Variants in MARCHF1 observed in about 807,000 individuals in gnomAD.
MARCHF1 encodes E3 ubiquitin-protein ligase MARCHF1.
Under a neutral mutation model 54.2 loss-of-function variants are expected in MARCHF1, and 40 were observed. That is an observed-to-expected ratio of 0.74 (90% CI 0.57 to 0.96). The LOEUF (loss-of-function observed/expected upper bound fraction) is 0.96, where lower values mean the gene tolerates loss of function less well. MARCHF1 is among the 40% of genes least tolerant of loss of function. MARCHF1 has a pLI of 0.00. For synonymous variants in MARCHF1, 236 were observed against 236.3 expected (o/e 1.00, Z 0.01); for missense variants, 586 against 656.5 (o/e 0.89, Z 1.17).
chr4:164,354,564 C>CATG, intron 1 of MARCHF1, among the ~76,000 whole-genome samples: 1 of 136,828 alleles, frequency 7.3e-6, no homozygotes, highest in Non-Finnish European at 1.6e-5. Context: ...AATTCAACAA[C>CATG]CCTTCATGCT....
intron 3 of MARCHF1, among the ~76,000 whole-genome samples, chr4:163,872,654 T>C (rs1750192782): frequency 6.6e-6 from 1 of 152,178 alleles, no homozygotes; most frequent in Non-Finnish European, 1.5e-5. Flanking sequence ...GTATTCTATG[T>C]CAGAATACTA....
chr4:164,034,634 G>GTA (rs371581939), intron 2 of MARCHF1, among the ~76,000 whole-genome samples: 1,627 of 150,680 alleles, frequency 0.011, 35 homozygotes, highest in African/African-American at 0.036. Context: ...ATGTGTGTGT[G>GTA]TATATATATA....
At chr4:163,671,094 T>A (rs1055979320) in intron 5 of MARCHF1, among the ~76,000 whole-genome samples, 1 of 152,216 alleles carries the variant, frequency 6.6e-6, no homozygotes, top group African/African-American at 2.4e-5. Flanking sequence ...CTTGCCCAGT[T>A]CCCTGCTTTA....
At chr4:164,145,416 A>C (rs1729653775) in intron 1 of MARCHF1, among the ~76,000 whole-genome samples, 1 of 152,076 alleles carries the variant, frequency 6.6e-6, no homozygotes, top group Non-Finnish European at 1.5e-5. Context: ...TGATGCAAAA[A>C]TCCTCAGTAT....
chr4:163,815,956 ATC>A (rs1316866515), intron 4 of MARCHF1, among the ~76,000 whole-genome samples: 1 of 152,188 alleles, frequency 6.6e-6, no homozygotes, highest in Non-Finnish European at 1.5e-5. Context: ...AGTAAATACT[ATC>A]TCCAAGTAAT....
At chr4:163,637,857 T>G (rs1422984354) in intron 5 of MARCHF1, among the ~76,000 whole-genome samples, 1 of 150,208 alleles carries the variant, frequency 6.7e-6, no homozygotes, top group Non-Finnish European at 1.5e-5. Context: ...TGTCCAACAA[T>G]GATAGACTGG....
At chr4:164,098,016 T>A (rs952221970) in intron 2 of MARCHF1, among the ~76,000 whole-genome samples, 2 of 152,146 alleles carry the variant, frequency 1.3e-5, no homozygotes, top group Admixed American at 1.3e-4. Flanking sequence ...TCTGTGATTA[T>A]GGGCACTAGC....
intron 4 of MARCHF1, among the ~76,000 whole-genome samples, chr4:163,739,423 A>T (rs1169024435): frequency 6.6e-6 from 1 of 152,232 alleles, no homozygotes; most frequent in Non-Finnish European, 1.5e-5. Context: ...CAGTATGATG[A>T]AAACGACATC....
chr4:164,034,925 C>T (rs1228424212), intron 2 of MARCHF1, among the ~76,000 whole-genome samples: 3 of 151,954 alleles, frequency 2.0e-5, no homozygotes, highest in Non-Finnish European at 4.4e-5. Context: ...GCTGGGATTC[C>T]CCTACAGGTC....
At chr4:164,001,881 G>GA (rs1424804681) in intron 2 of MARCHF1, among the ~76,000 whole-genome samples, 6 of 151,686 alleles carry the variant, frequency 4.0e-5, no homozygotes, top group East Asian at 3.9e-4. Context: ...CACAAATAAG[G>GA]AAAAAAATAA....
At chr4:163,562,597 A>G (rs1739507350) in intron 8 of MARCHF1, among the ~76,000 whole-genome samples, 1 of 151,698 alleles carries the variant, frequency 6.6e-6, no homozygotes, top group Admixed American at 6.6e-5. Flanking sequence ...ACACTCTCCC[A>G]ATCTTTCTCA....
chr4:163,841,303 C>T (rs980647502), intron 4 of MARCHF1, among the ~76,000 whole-genome samples: 8 of 151,984 alleles, frequency 5.3e-5, no homozygotes, highest in Non-Finnish European at 1.0e-4. Flanking sequence ...AATGTAGGTT[C>T]ATCAACTATA....
chr4:163,890,582 G>C (rs1297149827), intron 3 of MARCHF1, among the ~76,000 whole-genome samples: 1 of 152,154 alleles, frequency 6.6e-6, no homozygotes, highest in Non-Finnish European at 1.5e-5. Context: ...GTTTCATTGT[G>C]TTGCTAGAAA....
chr4:164,000,098 T>C (rs192328687), intron 2 of MARCHF1, among the ~76,000 whole-genome samples: 19 of 151,840 alleles, frequency 1.3e-4, no homozygotes, highest in African/African-American at 4.6e-4. Context: ...TATTAGAATG[T>C]CCTTCTGGTT....
intron 4 of MARCHF1, among the ~76,000 whole-genome samples, chr4:163,714,340 A>G (rs562338356): frequency 1.3e-5 from 2 of 152,340 alleles, no homozygotes; most frequent in South Asian, 4.1e-4. Context: ...TCTAGCTCCA[A>G]TTCTATCTAT....
intron 1 of MARCHF1, among the ~76,000 whole-genome samples, chr4:164,282,664 A>G (rs1175778402): frequency 6.6e-6 from 1 of 151,190 alleles, no homozygotes; most frequent in Non-Finnish European, 1.5e-5. Context: ...GGTGGAAGGA[A>G]CACAATTTTA....
intron 3 of MARCHF1, among the ~76,000 whole-genome samples, chr4:163,899,746 C>T (rs1048866610): frequency 4.0e-5 from 5 of 125,002 alleles, no homozygotes; most frequent in Non-Finnish European, 8.4e-5. Flanking sequence ...TATTCATAAA[C>T]TCCCAGTCTC....
intron 2 of MARCHF1, among the ~76,000 whole-genome samples, chr4:164,056,550 G>T (rs572202210): frequency 1.3e-5 from 2 of 152,156 alleles, no homozygotes; most frequent in African/African-American, 2.4e-5. Flanking sequence ...GTAAGAGTGT[G>T]TTTCTGGGAA....
rs557404006 is a variant in MARCHF1 at position 163,981,598 on chromosome 4, G to T, written c.-39+6903C>A. ...GGCTCAGGGTGATATTCCTGGGAAT[G>T]AGCTGGGGGGAAAGCAATGCTGTCA... On this transcript the variant is annotated intron_variant, in intron 3 of 9. Transcript: ENST00000514618. Among the ~76,000 whole-genome samples the T allele has an allele frequency of 6.6e-5, 10 of 152,270 alleles. No individual in the cohort carries two copies. In the East Asian group the frequency reaches 1.9e-3, roughly 29 times the overall value.
Sources: gnomAD v4.1 joint callset for allele counts (sites outside exome capture counted in the v4.1 genomes callset) on GRCh38, gnomAD v4.1.1 for gene constraint, MANE v1.5 for transcripts, NCBI Gene and HGNC (gene_info 2026-07-23, HGNC 2026-07-21) for gene names.